The following CDK8 variants were observed in gnomAD, a reference collection of about 807,000 sequenced individuals.
CDK8 encodes cyclin-dependent kinase 8.
A neutral mutation model predicts 71.5 loss-of-function variants in CDK8; 29 were observed. The observed-to-expected ratio is 0.41, with a 90% CI of 0.30 to 0.55. The LOEUF is 0.55. Among genes scored for constraint, CDK8 ranks in the 20% least tolerant of loss-of-function variants. CDK8 has a pLI of 0.37. For synonymous variants in CDK8, 161 were observed against 192.1 expected (o/e 0.84, Z 1.34); for missense variants, 288 against 572.6 (o/e 0.50, Z 5.07).
At chr13:26,347,058 G>A (rs953452041) in intron 2 of CDK8, among the ~76,000 whole-genome samples, 2 of 152,194 alleles carry the variant, frequency 1.3e-5, no homozygotes, top group African/African-American at 2.4e-5. Context: ...TGGGCTTCAT[G>A]AGAGGCTTTT....
rs557392235 is a variant in CDK8 at position 26,389,409 on chromosome 13, C to G, written c.647-3958C>G. Reference sequence around the variant, plus strand: ...TCCTGACCTCAAGTGATCCGCCTGCCTCGGCCTCCCAAAGTGCTGGGATTA... The same window carrying G: ...TCCTGACCTCAAGTGATCCGCCTGCGTCGGCCTCCCAAAGTGCTGGGATTA... On this transcript the variant is annotated intron_variant, in intron 6 of 12. Coordinates refer to ENST00000381527, the MANE Select transcript of CDK8 (RefSeq NM_001260.3). Among the ~76,000 whole-genome samples, 3 of 152,154 alleles carry G rather than the reference C, an allele frequency of 2.0e-5. No individual in the cohort carries two copies. The South Asian group carries it at 6.2e-4, about 32-fold the overall frequency.
intron 1 of CDK8, among the ~76,000 whole-genome samples, chr13:26,280,595 A>C (rs540231641): frequency 1.2e-4 from 18 of 152,378 alleles, no homozygotes; most frequent in Admixed American, 1.2e-3. Flanking sequence ...ATCTTTTCAT[A>C]TGATTAATGA....
intron 4 of CDK8, among the ~76,000 whole-genome samples, chr13:26,376,572 C>T (rs1311757586): frequency 6.6e-6 from 1 of 152,136 alleles, no homozygotes; most frequent in Non-Finnish European, 1.5e-5. Flanking sequence ...TCTTGCCATG[C>T]AGTTTTTGTA....
chr13:26,282,012 AAGAC>A (rs1291230997), intron 1 of CDK8, among the ~76,000 whole-genome samples: 1 of 151,976 alleles, frequency 6.6e-6, no homozygotes, highest in African/African-American at 2.4e-5. Flanking sequence ...CAATCAGACA[AAGAC>A]AGAGCAAAAA....
chr13:26,336,735 T>C (rs1422454809), intron 1 of CDK8, among the ~76,000 whole-genome samples: 1 of 152,020 alleles, frequency 6.6e-6, no homozygotes, highest in Non-Finnish European at 1.5e-5. Flanking sequence ...TTTGTATTTT[T>C]AGTAGAGACA....
intron 2 of CDK8, 35 bp from the exon 3 acceptor site, chr13:26,349,037 A>G (rs1873580268): frequency 8.3e-7 from 1 of 1,205,726 alleles, no homozygotes; most frequent in African/African-American, 1.5e-5. Context: ...TATTTTTGTG[A>G]CAGAAATAGT....
At chr13:26,276,141 G>T (rs1252361363) in intron 1 of CDK8, among the ~76,000 whole-genome samples, 1 of 152,168 alleles carries the variant, frequency 6.6e-6, no homozygotes, top group Non-Finnish European at 1.5e-5. Flanking sequence ...GATTACAGGC[G>T]TGAGTAACCG....
chr13:26,344,509 C>T lies in CDK8; in HGVS notation c.205-4563C>T, dbSNP rs539198848. ...GCATGGTGGCTTATGCCTGTAATCA[C>T]AACAGTTTTGGGAGGCCGAGGTGGA... On this transcript the variant is annotated intron_variant, in intron 2 of 12. Transcript: ENST00000381527. Among the ~76,000 whole-genome samples the T allele has an allele frequency of 9.9e-4, 151 of 152,238 alleles. 1 individual carries two copies. The highest frequency in any genetic ancestry group is 3.4e-3 in the African/African-American group (143 of 41,558).
intron 7 of CDK8, 185 bp from the exon 8 acceptor site, chr13:26,396,100 A>G (rs1457254660): frequency 3.2e-6 from 1 of 311,772 alleles, no homozygotes; most frequent in Admixed American, 5.1e-5. Context: ...ATAAAGTTAT[A>G]TAAGGGATAA....
intron 4 of CDK8, among the ~76,000 whole-genome samples, chr13:26,370,599 T>A (rs1158408984): frequency 1.3e-5 from 2 of 152,214 alleles, no homozygotes; most frequent in East Asian, 3.8e-4. Context: ...CTTAACAGTG[T>A]TCTGAAAGAG....
chr13:26,388,205 T>G (rs909499623), intron 6 of CDK8, among the ~76,000 whole-genome samples: 34 of 152,352 alleles, frequency 2.2e-4, no homozygotes, highest in African/African-American at 7.9e-4. Context: ...AAGATCACAT[T>G]TTATTTTACA....
intron 7 of CDK8, among the ~76,000 whole-genome samples, chr13:26,395,899 T>C (rs527325661): frequency 3.5e-4 from 53 of 152,216 alleles, no homozygotes; most frequent in Admixed American, 8.5e-4. Flanking sequence ...ATTGAAGAAA[T>C]TGATTGCTGA....
At chr13:26,367,656 A>C (rs1481064689) in intron 4 of CDK8, among the ~76,000 whole-genome samples, 1 of 152,224 alleles carries the variant, frequency 6.6e-6, no homozygotes, top group East Asian at 1.9e-4. Flanking sequence ...GTACATGAGG[A>C]TTAAGAGCTT....
At chr13:26,391,476 T>C (rs1192223270) in intron 6 of CDK8, among the ~76,000 whole-genome samples, 3 of 150,864 alleles carry the variant, frequency 2.0e-5, no homozygotes, top group Non-Finnish European at 4.4e-5. Flanking sequence ...TTTATTTTCT[T>C]CTTTGGAATT....
intron 1 of CDK8, among the ~76,000 whole-genome samples, chr13:26,284,942 C>CAA (rs59801630): frequency 0.095 from 13,721 of 145,052 alleles, 2,173 homozygotes; most frequent in African/African-American, 0.33. Context: ...CAAAAATCCT[C>CAA]AAAAAAAAAA....
intron 6 of CDK8, among the ~76,000 whole-genome samples, chr13:26,388,819 T>C (rs1177353342): frequency 6.6e-6 from 1 of 152,190 alleles, no homozygotes; most frequent in Non-Finnish European, 1.5e-5. Flanking sequence ...GGCTGTATGA[T>C]TTGGGAGAGA....
At chr13:26,264,339 G>T (rs1190340447) in intron 1 of CDK8, among the ~76,000 whole-genome samples, 1 of 151,916 alleles carries the variant, frequency 6.6e-6, no homozygotes, top group Non-Finnish European at 1.5e-5. Flanking sequence ...GGGCTGGAGT[G>T]CTGTGGTGCA....
intron 1 of CDK8, among the ~76,000 whole-genome samples, chr13:26,304,875 C>T (rs116375188): frequency 0.022 from 3,306 of 151,902 alleles, 132 homozygotes; most frequent in African/African-American, 0.076. Context: ...CACTATGTAG[C>T]CCAGGCCAAT....
At chr13:26,360,703 G>C (rs1364803356) in intron 4 of CDK8, among the ~76,000 whole-genome samples, 1 of 152,166 alleles carries the variant, frequency 6.6e-6, no homozygotes, top group Non-Finnish European at 1.5e-5. Flanking sequence ...CATGTTTGTT[G>C]AATGAATGAA....
Sources: gnomAD v4.1 joint callset for allele counts (sites outside exome capture counted in the v4.1 genomes callset) on GRCh38, gnomAD v4.1.1 for gene constraint, MANE v1.5 for transcripts, NCBI Gene and HGNC (gene_info 2026-07-23, HGNC 2026-07-21) for gene names.